The following PLAC1 variants were observed in gnomAD, a reference collection of about 807,000 sequenced individuals.
The protein encoded by PLAC1 is placenta-specific protein 1.
For synonymous variants in PLAC1, 68 were observed against 62.1 expected, an observed-to-expected ratio of 1.09 and a Z score of -0.44; for missense variants, 136 against 163.2, an observed-to-expected ratio of 0.83 and a Z score of 0.91.
intron 2 of PLAC1, among the ~76,000 whole-genome samples, chrX:134,673,400 A>T (rs1469158505): frequency 2.7e-5 from 3 of 109,823 alleles, no homozygotes; most frequent in African/African-American, 9.9e-5. Flanking sequence ...GACAGGGAAA[A>T]GGGAAATTTG....
chrX:134,660,072 G>A (rs2078410364), upstream of PLAC1, among the ~76,000 whole-genome samples: 1 of 107,591 alleles, frequency 9.3e-6, no homozygotes, highest in African/African-American at 3.4e-5. Context: ...ATCTAAAAGG[G>A]ATTTTAAAAT....
At chrX:134,752,952 C>G (rs1379907167) in intron 1 of PLAC1, among the ~76,000 whole-genome samples, 4 of 111,876 alleles carry the variant, frequency 3.6e-5, no homozygotes, top group Non-Finnish European at 7.5e-5. Flanking sequence ...TGAGCATTTA[C>G]TAGGCAATTT....
intron 1 of PLAC1, among the ~76,000 whole-genome samples, chrX:134,740,668 G>A (rs2078714998): frequency 8.9e-6 from 1 of 111,882 alleles, no homozygotes; most frequent in African/African-American, 3.3e-5. Context: ...AGGCTCTCAA[G>A]ATGAGTTCAT....
At chrX:134,582,823 G>A (rs148728402) in intron 2 of PLAC1, among the ~76,000 whole-genome samples, 1,789 of 111,764 alleles carry the variant, frequency 0.016, 12 homozygotes, top group Middle Eastern at 0.041. Context: ...AAGGTGAGAA[G>A]AAAGTCTAGG....
At chrX:134,603,451 C>A (rs1296368749) in intron 1 of PLAC1, among the ~76,000 whole-genome samples, 1 of 97,390 alleles carries the variant, frequency 1.0e-5, no homozygotes, top group East Asian at 3.3e-4. Context: ...CATTCTCCTG[C>A]CTCAGCCTCC....
chrX:134,632,053 T>C (rs952602205), intron 1 of PLAC1, among the ~76,000 whole-genome samples: 1 of 112,078 alleles, frequency 8.9e-6, no homozygotes, highest in African/African-American at 3.2e-5. Context: ...TTCTTTATTT[T>C]GGACTTCTTT....
chrX:134,754,883 G>A (rs1055503735), intron 1 of PLAC1, among the ~76,000 whole-genome samples: 1 of 106,834 alleles, frequency 9.4e-6, no homozygotes, highest in Non-Finnish European at 1.9e-5. Flanking sequence ...GCAATGAAAC[G>A]GTAGGAAGCA....
At chrX:134,748,329 T>G (rs187787212) in intron 1 of PLAC1, among the ~76,000 whole-genome samples, 3,191 of 87,840 alleles carry the variant, frequency 0.036, 149 homozygotes, top group African/African-American at 0.13. Context: ...AGACTCCATC[T>G]CAAAAAAAAA....
chrX:134,618,790 G>T (rs185253840), intron 1 of PLAC1, among the ~76,000 whole-genome samples: 13 of 111,672 alleles, frequency 1.2e-4, no homozygotes, highest in African/African-American at 4.2e-4. Flanking sequence ...GAGGCTCAGA[G>T]AGATTAAGTG....
chrX:134,729,786 T>C (rs1602940388), intron 2 of PLAC1, among the ~76,000 whole-genome samples: 1 of 111,656 alleles, frequency 9.0e-6, no homozygotes, highest in Middle Eastern at 4.7e-3. Context: ...TTTCTTTCTA[T>C]CTTTTTTTTT....
intron 1 of PLAC1, among the ~76,000 whole-genome samples, chrX:134,753,365 G>A (rs1341222766): frequency 9.0e-6 from 1 of 111,436 alleles, no homozygotes; most frequent in Non-Finnish European, 1.9e-5. Flanking sequence ...ATGTAGAAAA[G>A]CAGATAAGCA....
In PLAC1 at chrX:134,688,947, C is replaced by T. The variant is rs142994178; in HGVS notation, n.174+44488G>A. ...GTTTCACCTTTGCCCCACATTATTTCTTCTTCCTTTGTTTTTCATTTCAGT... is the reference window on the plus strand; with the variant it reads ...GTTTCACCTTTGCCCCACATTATTTTTTCTTCCTTTGTTTTTCATTTCAGT... On this transcript the variant is annotated intron_variant and non_coding_transcript_variant, in intron 2 of 2. Coordinates refer to the PLAC1 transcript ENST00000466797. Among the ~76,000 whole-genome samples the T allele has an allele frequency of 4.1e-3, 463 of 111,909 alleles. 1 individual carries two copies. Among genetic ancestry groups the T allele is most frequent in the African/African-American group, 0.015 (449 of 30,819 alleles).
At position 134,566,323 on chromosome X, in the gene PLAC1, C is replaced by G. The variant is rs1161796313; in HGVS notation, c.360G>C (p.Lys120Asn). The G allele has an allele frequency of 1.2e-5, 14 of 1,209,992 alleles. No homozygotes were observed. The highest frequency in any genetic ancestry group is 1.8e-5 in the African/African-American group (1 of 57,127). Residue 120 changes from lysine to asparagine, a missense_variant, in exon 3 of 3, where the codon AAG becomes AAC. Coordinates refer to ENST00000359237, the MANE Select transcript of PLAC1 (RefSeq NM_021796.4). Reference sequence around the variant, plus strand: ...AGCAGGGCTTGGTGAGCCATGGGGACTTTTGGGGGGCAGCACATGACACTG... The same window carrying G: ...AGCAGGGCTTGGTGAGCCATGGGGAGTTTTGGGGGGCAGCACATGACACTG... ...VIPVSCAAPQKSPWLTKPCSM... is the reference protein window; with the variant it reads ...VIPVSCAAPQNSPWLTKPCSM...
At chrX:134,693,743 C>T (rs1322401515) in intron 2 of PLAC1, among the ~76,000 whole-genome samples, 1 of 111,387 alleles carries the variant, frequency 9.0e-6, no homozygotes, top group Non-Finnish European at 1.9e-5. Flanking sequence ...TGTGGGCAAT[C>T]CTAACTATTA....
intron 2 of PLAC1, among the ~76,000 whole-genome samples, chrX:134,719,938 A>G (rs2147837782): frequency 8.9e-6 from 1 of 112,231 alleles, no homozygotes; most frequent in East Asian, 2.8e-4. Context: ...AAGATCAAAA[A>G]CAATACAAGA....
At chrX:134,693,333 G>A (rs192215365) in intron 2 of PLAC1, among the ~76,000 whole-genome samples, 1,780 of 111,709 alleles carry the variant, frequency 0.016, 75 homozygotes, top group Admixed American at 0.13. Flanking sequence ...AGTTATGTAC[G>A]TTATAACACA....
intron 1 of PLAC1, among the ~76,000 whole-genome samples, chrX:134,743,269 T>C (rs2078721428): frequency 8.9e-6 from 1 of 112,609 alleles, no homozygotes; most frequent in Non-Finnish European, 1.9e-5. Context: ...GCATGTTTTT[T>C]CCTAATTCAG....
At chrX:134,577,287 AG>A (rs1340144121) in intron 2 of PLAC1, among the ~76,000 whole-genome samples, 2 of 112,140 alleles carry the variant, frequency 1.8e-5, no homozygotes, top group African/African-American at 6.5e-5. Flanking sequence ...AGAAACCTAG[AG>A]TGAAACTAAG....
chrX:134,754,416 G>C (rs1197113905), intron 1 of PLAC1, among the ~76,000 whole-genome samples: 1 of 111,399 alleles, frequency 9.0e-6, no homozygotes, highest in Non-Finnish European at 1.9e-5. Flanking sequence ...AAATTTTAAA[G>C]TAACATTTAT....
Sources: allele counts gnomAD v4.1 joint callset (sites outside exome capture counted in the v4.1 genomes callset), GRCh38; gene constraint gnomAD v4.1.1; transcripts MANE v1.5; gene names NCBI Gene and HGNC (gene_info 2026-07-23, HGNC 2026-07-21).